Variants in MYO1H observed in about 807,000 individuals in gnomAD.
The protein encoded by MYO1H is unconventional myosin-Ih.
In MYO1H, 118 loss-of-function variants were observed where a neutral mutation model predicts 149.3. The ratio of observed to expected loss-of-function variants is 0.79; its 90% CI spans 0.68 to 0.92. The LOEUF is 0.92. Among genes scored for constraint, MYO1H ranks in the 40% least tolerant of loss-of-function variants. MYO1H has a pLI of 0.00. For synonymous variants in MYO1H, 447 were observed against 465.2 expected, an observed-to-expected ratio of 0.96 and a Z score of 0.50; for missense variants, 1,212 against 1,280.7, an observed-to-expected ratio of 0.95 and a Z score of 0.82.
chr12:109,386,905 C>T (rs1207797453), intron 1 of MYO1H, among the ~76,000 whole-genome samples: 1 of 151,726 alleles, frequency 6.6e-6, no homozygotes, highest in Non-Finnish European at 1.5e-5. Context: ...CTTTGCCTTC[C>T]CCTGGTTACA....
At chr12:109,340,388 C>T in the MYO1H span, among the ~76,000 whole-genome samples, 107 of 152,216 alleles carry the variant, frequency 7.0e-4, no homozygotes, top group Admixed American at 2.4e-3. Flanking sequence ...AGGCTGGTCT[C>T]GAACTCCTGA....
intron 15 of MYO1H, among the ~76,000 whole-genome samples, chr12:109,417,408 A>G (rs576091348): frequency 7.2e-5 from 11 of 152,128 alleles, no homozygotes; most frequent in Admixed American, 1.3e-4. Context: ...GCTCACTGCA[A>G]GCTCCGCCTC....
chr12:109,438,086 T>TAAAAAAAAAAAAAAAAAAAAA (rs58487735), intron 22 of MYO1H, among the ~76,000 whole-genome samples: 1 of 96,908 alleles, frequency 1.0e-5, no homozygotes, highest in African/African-American at 4.5e-5. Flanking sequence ...AGGCTCTGTC[T>TAAAAAAAAAAAAAAAAAAAAA]AAAAAAAAAA....
the MYO1H span, among the ~76,000 whole-genome samples, chr12:109,341,119 C>T: frequency 5.9e-5 from 8 of 135,672 alleles, no homozygotes; most frequent in Admixed American, 6.0e-4. Flanking sequence ...ATCTGGGAGG[C>T]GGAGGTTGCA....
the MYO1H span, among the ~76,000 whole-genome samples, chr12:109,339,256 G>A: frequency 2.0e-5 from 3 of 152,062 alleles, no homozygotes; most frequent in African/African-American, 7.2e-5. Flanking sequence ...TCCCAGCTGT[G>A]CAGGAGACTG....
intron 20 of MYO1H, among the ~76,000 whole-genome samples, chr12:109,434,168 A>C (rs111523632): frequency 0.11 from 16,006 of 151,870 alleles, 1,153 homozygotes; most frequent in African/African-American, 0.2. Context: ...CACTACCACA[A>C]TGGGCTAATT....
rs576567708 is a variant in MYO1H at position 109,380,854 on chromosome 12, G to A, written c.13-7829G>A. Among the ~76,000 whole-genome samples the A allele has an allele frequency of 8.1e-4, 123 of 152,288 alleles. 1 individual carries two copies. The highest frequency in any genetic ancestry group is 6.9e-4 in the Non-Finnish European group (47 of 68,014). On this transcript the variant is annotated intron_variant, in intron 1 of 31. Transcript: ENST00000310903. The stretch of plus-strand genomic sequence containing the variant: ...CCAACTACTCGGGAGGCTGAGGCAG[G>A]AGAATCACTTGAACCCGGGAGGCAG...
At chr12:109,437,951 G>A (rs1198506049) in intron 22 of MYO1H, among the ~76,000 whole-genome samples, 3 of 151,870 alleles carry the variant, frequency 2.0e-5, no homozygotes, top group Admixed American at 1.3e-4. Flanking sequence ...AATTAGGCGT[G>A]GTGGTGCACA....
At chr12:109,344,438 G>C (rs762847613), upstream of MYO1H, among the ~76,000 whole-genome samples, 3 of 152,152 alleles carry the variant, frequency 2.0e-5, no homozygotes, top group Non-Finnish European at 2.9e-5. Context: ...AGAAGTGTAA[G>C]ACTTGAACGC....
intron 5 of MYO1H, among the ~76,000 whole-genome samples, chr12:109,400,342 A>G (rs1012971917): frequency 6.6e-6 from 1 of 152,200 alleles, no homozygotes; most frequent in African/African-American, 2.4e-5. Context: ...CGGTTGCTCC[A>G]TACCCTTGCC....
chr12:109,411,824 T>G (rs1870688925), intron 13 of MYO1H, 70 bp from the exon 14 acceptor site: 1 of 1,110,954 alleles, frequency 9.0e-7, no homozygotes, highest in East Asian at 2.6e-5. Flanking sequence ...TTCCAGCTGG[T>G]GAAAGCATTT....
At chr12:109,384,352 GATTTA>G (rs970023499) in intron 1 of MYO1H, among the ~76,000 whole-genome samples, 1 of 152,136 alleles carries the variant, frequency 6.6e-6, no homozygotes, top group African/African-American at 2.4e-5. Flanking sequence ...AACTTAATTT[GATTTA>G]ATTTAATTTT....
At chr12:109,414,594 C>A (rs1870823432) in intron 14 of MYO1H, among the ~76,000 whole-genome samples, 1 of 151,308 alleles carries the variant, frequency 6.6e-6, no homozygotes, top group South Asian at 2.1e-4. Context: ...TAAAATTGTT[C>A]TTTGTTACAT....
chr12:109,436,686 CT>C, intron 22 of MYO1H, 130 bp downstream of exon 22: 1 of 629,960 alleles, frequency 1.6e-6, no homozygotes. Flanking sequence ...GGGTCCAGTT[CT>C]GGGGCCTCTT....
chr12:109,426,000 A>G (rs899393487), exon 18 of MYO1H: 5 of 1,613,844 alleles, frequency 3.1e-6, no homozygotes, highest in Non-Finnish European at 4.2e-6. Context: ...CCTCATCTCT[A>G]AGGAGCCCTC....
intron 5 of MYO1H, among the ~76,000 whole-genome samples, chr12:109,399,758 AAAAC>A (rs958470919): frequency 1.3e-5 from 2 of 152,036 alleles, no homozygotes; most frequent in African/African-American, 2.4e-5. Flanking sequence ...ACAAAAAACA[AAAAC>A]AAAATAGTAA....
upstream of MYO1H, among the ~76,000 whole-genome samples, chr12:109,342,987 G>A (rs1398116251): frequency 6.6e-6 from 1 of 152,036 alleles, no homozygotes; most frequent in Non-Finnish European, 1.5e-5. Context: ...GGAGGCCAAG[G>A]TGGGGAGGAT....
At chr12:109,380,817 G>C (rs1230899218) in intron 1 of MYO1H, among the ~76,000 whole-genome samples, 1 of 152,160 alleles carries the variant, frequency 6.6e-6, no homozygotes, top group South Asian at 2.1e-4. Flanking sequence ...ATGGTGGCCC[G>C]CACCAGTAGT....
At chr12:109,326,717 G>A in the MYO1H span, among the ~76,000 whole-genome samples, 4 of 151,546 alleles carry the variant, frequency 2.6e-5, no homozygotes, top group Admixed American at 6.6e-5. Flanking sequence ...ATGGGGTTTC[G>A]CCACGTTGCC....
Sources: gnomAD v4.1 joint callset for allele counts (sites outside exome capture counted in the v4.1 genomes callset) on GRCh38, gnomAD v4.1.1 for gene constraint, MANE v1.5 for transcripts, NCBI Gene and HGNC (gene_info 2026-07-23, HGNC 2026-07-21) for gene names.